NOX4: variants seen among roughly 807,000 people sequenced by gnomAD.
The protein encoded by NOX4 is kidney oxidase-1.
A neutral mutation model predicts 87.6 loss-of-function variants in NOX4; 69 were observed. That is an observed-to-expected ratio of 0.79 (90% confidence interval 0.65 to 0.96). NOX4 has a LOEUF of 0.96. Among genes scored for constraint, NOX4 ranks in the 40% least tolerant of loss-of-function variants. The pLI is 0.00. For synonymous variants in NOX4, 275 were observed against 238.2 expected (o/e 1.15, Z -1.42); for missense variants, 680 against 681.5 (o/e 1.00, Z 0.02).
At chr11:89,567,318 G>A in the NOX4 span, among the ~76,000 whole-genome samples, 6 of 152,262 alleles carry the variant, frequency 3.9e-5, no homozygotes, top group East Asian at 1.2e-3. Context: ...GCACCTGCCA[G>A]CAGCCTCCTA....
intron 14 of NOX4, among the ~76,000 whole-genome samples, chr11:89,341,471 A>G (rs1313055073): frequency 2.6e-5 from 4 of 152,156 alleles, no homozygotes; most frequent in Non-Finnish European, 2.9e-5. Context: ...TAAATTTGCT[A>G]AGTAATAAAT....
At chr11:89,489,743 A>AG (rs1946777076) in intron 2 of NOX4, among the ~76,000 whole-genome samples, 1 of 150,974 alleles carries the variant, frequency 6.6e-6, no homozygotes, top group Admixed American at 6.6e-5. Context: ...AAAAAAAAGA[A>AG]AGAAAGAAAG....
upstream of NOX4, among the ~76,000 whole-genome samples, chr11:89,502,690 T>G (rs1947035104): frequency 6.6e-6 from 1 of 152,052 alleles, no homozygotes; most frequent in Admixed American, 6.6e-5. Flanking sequence ...CAATATGAAT[T>G]GATGACAGAA....
chr11:89,546,565 T>C, the NOX4 span: 1 of 152,200 alleles, frequency 6.6e-6, no homozygotes, highest in Non-Finnish European at 1.5e-5. Context: ...GTTTCTGTCT[T>C]AGTCTGTTTT....
chr11:89,542,732 G>A, the NOX4 span, among the ~76,000 whole-genome samples: 6 of 152,048 alleles, frequency 3.9e-5, no homozygotes, highest in East Asian at 1.9e-4. Flanking sequence ...AATGAGCATC[G>A]CATCCTGGGG....
At chr11:89,413,006 A>T (rs1942562850) in intron 8 of NOX4, among the ~76,000 whole-genome samples, 2 of 152,202 alleles carry the variant, frequency 1.3e-5, no homozygotes, top group African/African-American at 4.8e-5. Context: ...AATCAGATTT[A>T]AAAATGGGCA....
intron 2 of NOX4, among the ~76,000 whole-genome samples, chr11:89,487,673 C>T (rs1253766202): frequency 6.6e-6 from 1 of 152,148 alleles, no homozygotes; most frequent in Non-Finnish European, 1.5e-5. Context: ...CATGCGTATA[C>T]CAGTGGGACC....
intron 8 of NOX4, among the ~76,000 whole-genome samples, chr11:89,410,965 T>G (rs962002608): frequency 1.2e-4 from 18 of 152,012 alleles, no homozygotes; most frequent in African/African-American, 4.3e-4. Context: ...GAGAGACCTC[T>G]TCCTTCTGCT....
At chr11:89,535,807 C>T in the NOX4 span, among the ~76,000 whole-genome samples, 2 of 152,090 alleles carry the variant, frequency 1.3e-5, no homozygotes, top group African/African-American at 2.4e-5. Flanking sequence ...TATAGCCACA[C>T]TGTCATAATA....
chr11:89,530,988 G>A, the NOX4 span, among the ~76,000 whole-genome samples: 3 of 152,086 alleles, frequency 2.0e-5, no homozygotes, highest in Non-Finnish European at 4.4e-5. Context: ...AATCCTTCCA[G>A]TGACCCAGCT....
chr11:89,580,071 T>G, the NOX4 span, among the ~76,000 whole-genome samples: 1 of 152,186 alleles, frequency 6.6e-6, no homozygotes. Context: ...AAGATAAAGA[T>G]CTTGATGAGC....
At chr11:89,470,602 C>T (rs1164718907) in intron 2 of NOX4, among the ~76,000 whole-genome samples, 1 of 152,106 alleles carries the variant, frequency 6.6e-6, no homozygotes, top group African/African-American at 2.4e-5. Flanking sequence ...CCACCCTCCA[C>T]TCTCTCTCTA....
At chr11:89,576,525 G>A in the NOX4 span, among the ~76,000 whole-genome samples, 3 of 152,028 alleles carry the variant, frequency 2.0e-5, no homozygotes, top group Non-Finnish European at 2.9e-5. Context: ...TTTAAATCTA[G>A]CTTCTTCTTA....
At chr11:89,445,352 C>A (rs1002305020) in intron 4 of NOX4, among the ~76,000 whole-genome samples, 18 of 151,122 alleles carry the variant, frequency 1.2e-4, no homozygotes, top group African/African-American at 3.4e-4. Flanking sequence ...CACACACACA[C>A]ACACAAAAAT....
At chr11:89,470,638 G>T (rs1276185557) in intron 2 of NOX4, among the ~76,000 whole-genome samples, 1 of 152,084 alleles carries the variant, frequency 6.6e-6, no homozygotes, top group East Asian at 1.9e-4. Flanking sequence ...GGCTGGGATT[G>T]CCTCTGGAAC....
intron 7 of NOX4, among the ~76,000 whole-genome samples, chr11:89,423,237 G>C (rs1426002135): frequency 6.6e-6 from 1 of 152,042 alleles, no homozygotes; most frequent in Non-Finnish European, 1.5e-5. Context: ...TGTAGGCTAG[G>C]AGTGCCTGTT....
chr11:89,368,018 T>C (rs1161046962), intron 12 of NOX4, among the ~76,000 whole-genome samples: 14 of 152,044 alleles, frequency 9.2e-5, no homozygotes, highest in Admixed American at 9.2e-4. Context: ...TTGTACATCT[T>C]CCATTTGCTC....
At chr11:89,425,872 T>C (rs1943369053) in intron 7 of NOX4, among the ~76,000 whole-genome samples, 1 of 152,152 alleles carries the variant, frequency 6.6e-6, no homozygotes, top group African/African-American at 2.4e-5. Flanking sequence ...TATATATATA[T>C]CTGTGTTTCT....
intron 2 of NOX4, among the ~76,000 whole-genome samples, chr11:89,469,263 G>T (rs1326754435): frequency 6.6e-6 from 1 of 152,042 alleles, no homozygotes; most frequent in Non-Finnish European, 1.5e-5. Flanking sequence ...ATTGTTCAAA[G>T]GGAGTTGAAA....
Sources: gnomAD v4.1 joint callset for allele counts (sites outside exome capture counted in the v4.1 genomes callset) on GRCh38, gnomAD v4.1.1 for gene constraint, MANE v1.5 for transcripts, NCBI Gene and HGNC (gene_info 2026-07-23, HGNC 2026-07-21) for gene names.